Variants in MREG observed in about 807,000 individuals in gnomAD.
The protein encoded by MREG is dilute suppressor protein homolog.
MREG carries 31 observed loss-of-function variants against 28.5 expected under a neutral mutation model. The ratio of observed to expected loss-of-function variants is 1.09; its 90% CI spans 0.82 to 1.47. The LOEUF (loss-of-function observed/expected upper bound fraction) is 1.47, where lower values mean the gene tolerates loss of function less well. Among genes scored for constraint, MREG ranks in the 40% most tolerant of loss-of-function variants. The probability of loss-of-function intolerance (pLI) is 0.00; values close to 1 mark genes in which losing one functional copy is unlikely to be tolerated. For synonymous variants in MREG, 106 were observed against 95.2 expected, an observed-to-expected ratio of 1.11 and a Z score of -0.66; for missense variants, 256 against 257.4, an observed-to-expected ratio of 0.99 and a Z score of 0.04.
rs183904228 is a variant in MREG at position 215,957,679 on chromosome 2, C to G, written c.256-10566G>C. Among the ~76,000 whole-genome samples, 267 of 152,152 alleles carry G rather than the reference C, an allele frequency of 1.8e-3. 3 individuals are homozygous for G. Among genetic ancestry groups the G allele is most frequent in the African/African-American group, 6.1e-3 (252 of 41,520 alleles). ...TTCAGGCTTCCGGACTGAGAAATCC[C>G]CAGGAAGACTTACCTAAGGTACCTC... is the stretch of plus-strand genomic sequence containing the variant. On this transcript the variant is annotated intron_variant, in intron 2 of 4. Transcript: ENST00000263268.
At chr2:216,023,723 A>G (rs1026558720) in intron 1 of MREG, among the ~76,000 whole-genome samples, 4 of 152,182 alleles carry the variant, frequency 2.6e-5, no homozygotes, top group African/African-American at 9.6e-5. Context: ...GCTGGAGTGC[A>G]GTGGCACAAC....
intron 1 of MREG, among the ~76,000 whole-genome samples, chr2:216,029,895 CAAATGT>C (rs1694653756): frequency 1.3e-5 from 2 of 152,254 alleles, no homozygotes; most frequent in East Asian, 3.9e-4. Flanking sequence ...CCAAGCAAAC[CAAATGT>C]TTGTAGCCTA....
chr2:216,030,161 T>G (rs1694658467), intron 1 of MREG, among the ~76,000 whole-genome samples: 1 of 152,210 alleles, frequency 6.6e-6, no homozygotes, highest in African/African-American at 2.4e-5. Context: ...ATAGACAAAT[T>G]TGTAAAAATA....
rs1339108848 is a variant in MREG at position 216,032,788 on chromosome 2, C to A, written c.-68+1G>T. 3 of 152,202 alleles carry A rather than the reference C, an allele frequency of 2.0e-5. No individual in the cohort carries two copies. Among genetic ancestry groups the A allele is most frequent in the Non-Finnish European group, 2.9e-5 (2 of 68,036 alleles). 9.4% of individuals were successfully genotyped at this position (152,202 alleles called of 1,614,324 possible). The stretch of plus-strand genomic sequence containing the variant: ...TAATTGCTAGTTTTGATGTAGCATA[C>A]CTTTCTTGAATACGGTTTAGAATCT... On this transcript the variant is annotated splice_donor_variant, in intron 1 of 3. Transcript: ENST00000420348. LOFTEE classifies it low-confidence loss of function (5UTR_SPLICE).
rs563601859 is a variant in MREG at position 215,978,524 on chromosome 2, C to T, written c.255+17782G>A. Reference sequence around the variant, plus strand: ...CAGAAAAAGAAGGAATCCTCCCTAACTCGTTTTATGAGGCCAGCATCATCC... The same window carrying T: ...CAGAAAAAGAAGGAATCCTCCCTAATTCGTTTTATGAGGCCAGCATCATCC... On this transcript the variant is annotated intron_variant, in intron 2 of 4. Transcript: ENST00000263268. Among the ~76,000 whole-genome samples the T allele has an allele frequency of 2.5e-3, 381 of 152,204 alleles. 1 individual carries two copies. The highest frequency in any genetic ancestry group is 4.4e-3 in the Non-Finnish European group (299 of 68,042).
intron 2 of MREG, among the ~76,000 whole-genome samples, chr2:215,980,803 C>T (rs1406515462): frequency 7.1e-6 from 1 of 140,550 alleles, no homozygotes; most frequent in African/African-American, 2.6e-5. Flanking sequence ...CAAAGCAAGG[C>T]TCTGGCTTAA....
chr2:215,941,254 T>G (rs1440175880), downstream of MREG, among the ~76,000 whole-genome samples: 1 of 152,112 alleles, frequency 6.6e-6, no homozygotes, highest in Non-Finnish European at 1.5e-5. Context: ...ATTCTGAAAG[T>G]AAGGAGATGA....
intron 2 of MREG, among the ~76,000 whole-genome samples, chr2:215,963,188 C>T (rs1017868515): frequency 2.6e-5 from 4 of 151,952 alleles, no homozygotes; most frequent in South Asian, 2.1e-4. Flanking sequence ...GGCCAGGTGA[C>T]GTGGCTTGCA....
chr2:216,022,165 C>T (rs573774620), intron 1 of MREG, among the ~76,000 whole-genome samples: 23 of 152,176 alleles, frequency 1.5e-4, no homozygotes, highest in African/African-American at 5.3e-4. Context: ...ACAGGAGAAT[C>T]ACTTGAACTT....
intron 2 of MREG, among the ~76,000 whole-genome samples, chr2:215,947,479 C>A (rs887079470): frequency 6.6e-6 from 1 of 152,194 alleles, no homozygotes; most frequent in African/African-American, 2.4e-5. Context: ...TATCTGCACA[C>A]AGTGAGCATC....
chr2:216,010,326 T>C (rs1694264629), intron 1 of MREG, among the ~76,000 whole-genome samples: 1 of 151,012 alleles, frequency 6.6e-6, no homozygotes, highest in Non-Finnish European at 1.5e-5. Flanking sequence ...GACTTTTGGC[T>C]TCTAGAACTG....
intron 1 of MREG, among the ~76,000 whole-genome samples, chr2:216,032,562 A>G (rs1044846994): frequency 6.6e-6 from 1 of 152,242 alleles, no homozygotes; most frequent in Non-Finnish European, 1.5e-5. Flanking sequence ...AATCCAGGTC[A>G]GAAGGCAATA....
At chr2:215,993,093 G>A (rs112773256) in intron 2 of MREG, among the ~76,000 whole-genome samples, 9,306 of 152,180 alleles carry the variant, frequency 0.061, 608 homozygotes, top group African/African-American at 0.16. Context: ...CCAAATAAGA[G>A]CCCGTATAGC....
intron 2 of MREG, among the ~76,000 whole-genome samples, chr2:215,964,587 A>G (rs186594223): frequency 2.8e-3 from 422 of 152,328 alleles, no homozygotes; most frequent in Non-Finnish European, 4.6e-3. Flanking sequence ...TCCACCCTAT[A>G]ATAACCAAAG....
At chr2:215,994,244 G>A (rs1243651068) in intron 2 of MREG, among the ~76,000 whole-genome samples, 1 of 151,960 alleles carries the variant, frequency 6.6e-6, no homozygotes, top group African/African-American at 2.4e-5. Context: ...AAAAATGGAT[G>A]AGTTCATGTC....
At chr2:215,945,320 A>G (rs1423705770) in intron 4 of MREG, among the ~76,000 whole-genome samples, 1 of 152,212 alleles carries the variant, frequency 6.6e-6, no homozygotes, top group African/African-American at 2.4e-5. Flanking sequence ...GAATTCACTG[A>G]AAAATACAAA....
At chr2:215,965,565 C>T (rs1692917194) in intron 2 of MREG, among the ~76,000 whole-genome samples, 1 of 152,192 alleles carries the variant, frequency 6.6e-6, no homozygotes, top group Non-Finnish European at 1.5e-5. Context: ...GACAGTTTCT[C>T]ATTCTTTAGC....
At position 215,945,791 on chromosome 2, in the gene MREG, G is replaced by A. The variant is rs181819462; in HGVS notation, c.347-57C>T. ...GTAGTCCCAAGTTAACAAGTGTTCC[G>A]CAATACGGTCCCTGCAGGAGATTAC... On this transcript the variant is annotated intron_variant, in intron 3 of 4. Transcript: ENST00000263268. 52 of 1,461,690 alleles carry A rather than the reference G, an allele frequency of 3.6e-5. No homozygotes were observed. The East Asian group carries it at 5.6e-4, about 16-fold the overall frequency. 90.5% of individuals were successfully genotyped at this position (1,461,690 alleles called of 1,614,324 possible).
At chr2:215,942,347 T>C (rs1692208375), downstream of MREG, among the ~76,000 whole-genome samples, 1 of 152,214 alleles carries the variant, frequency 6.6e-6, no homozygotes, top group Non-Finnish European at 1.5e-5. Flanking sequence ...CTTCTGTGGC[T>C]ACTGGTCCTG....
Sources: gnomAD v4.1 joint callset for allele counts (sites outside exome capture counted in the v4.1 genomes callset) on GRCh38, gnomAD v4.1.1 for gene constraint, MANE v1.5 for transcripts, NCBI Gene and HGNC (gene_info 2026-07-23, HGNC 2026-07-21) for gene names.